Variants in ZDHHC21 observed in about 807,000 individuals in gnomAD.
ZDHHC21 encodes palmitoyltransferase ZDHHC21.
ZDHHC21 carries 15 observed loss-of-function variants against 34.6 expected under a neutral mutation model. The ratio of observed to expected loss-of-function variants is 0.43; its 90% CI spans 0.29 to 0.67. The LOEUF (loss-of-function observed/expected upper bound fraction) is 0.67. ZDHHC21 is among the 30% of genes least tolerant of loss of function. The pLI, the probability that ZDHHC21 is intolerant of heterozygous loss-of-function variation, is 0.14. For missense variants in ZDHHC21, 344 were observed against 327.7 expected, an observed-to-expected ratio of 1.05 and a Z score of -0.38; for synonymous variants, 142 against 101.8, an observed-to-expected ratio of 1.40 and a Z score of -2.38.
chr9:14,657,888 G>C (rs1451027879), intron 7 of ZDHHC21, among the ~76,000 whole-genome samples: 1 of 151,998 alleles, frequency 6.6e-6, no homozygotes, highest in Non-Finnish European at 1.5e-5. Flanking sequence ...TTACTCCAGG[G>C]AATATGTACA....
At position 14,611,360 on chromosome 9, in the gene ZDHHC21, C is replaced by G. The variant is rs1054576586; in HGVS notation, c.*7606G>C. ...TGTCATTTCACCCATTTTACTCACT[C>G]TTCTCAAACTATTCTTACATCTCTC... is the stretch of plus-strand genomic sequence containing the variant. On this transcript the variant is annotated 3_prime_UTR_variant, in exon 10 of 10. Transcript: ENST00000380916. 2.0e-5 allele frequency: 3 copies of G among 151,918 alleles called. No individual in the cohort carries two copies. The highest frequency in any genetic ancestry group is 2.9e-5 in the Non-Finnish European group (2 of 67,870). The allele number at this position is 151,918 out of a possible 1,614,324, so 9.4% of individuals were successfully genotyped here.
intron 8 of ZDHHC21, among the ~76,000 whole-genome samples, chr9:14,631,052 G>C (rs1485962821): frequency 6.6e-6 from 1 of 152,178 alleles, no homozygotes; most frequent in Admixed American, 6.5e-5. Flanking sequence ...AGTCTGTCCT[G>C]TACCTTGAAG....
At chr9:14,597,826 G>T in the ZDHHC21 span, among the ~76,000 whole-genome samples, 1 of 151,966 alleles carries the variant, frequency 6.6e-6, no homozygotes, top group Admixed American at 6.6e-5. Context: ...TACCTTCTGG[G>T]GGTCTAAAGA....
intron 1 of ZDHHC21, among the ~76,000 whole-genome samples, chr9:14,692,571 A>T (rs1178003813): frequency 6.8e-6 from 1 of 146,036 alleles, no homozygotes; most frequent in Non-Finnish European, 1.5e-5. Flanking sequence ...TTAAAATGTG[A>T]CCCACATATA....
chr9:14,636,415 A>C (rs1828311696), intron 8 of ZDHHC21, among the ~76,000 whole-genome samples: 1 of 152,214 alleles, frequency 6.6e-6, no homozygotes, highest in South Asian at 2.1e-4. Context: ...ATATAAACCA[A>C]GTATTAGATT....
chr9:14,656,064 C>T (rs1289160927), intron 7 of ZDHHC21, among the ~76,000 whole-genome samples: 1 of 151,622 alleles, frequency 6.6e-6, no homozygotes, highest in Non-Finnish European at 1.5e-5. Flanking sequence ...TATAATGATA[C>T]AAGAATCAAT....
intron 1 of ZDHHC21, among the ~76,000 whole-genome samples, 184 bp downstream of exon 1, chr9:14,693,045 G>A (rs142824016): frequency 6.6e-6 from 1 of 151,724 alleles, no homozygotes; most frequent in Non-Finnish European, 1.5e-5. Context: ...GGGAGGCACC[G>A]AGAAACCCCC....
intron 7 of ZDHHC21, among the ~76,000 whole-genome samples, chr9:14,648,311 A>G (rs1312119220): frequency 7.9e-6 from 1 of 126,100 alleles, no homozygotes; most frequent in African/African-American, 2.9e-5. Context: ...TTTTCATAGC[A>G]ATCAGGTTTT....
chr9:14,635,793 G>C (rs1828189712), intron 8 of ZDHHC21, among the ~76,000 whole-genome samples: 1 of 152,080 alleles, frequency 6.6e-6, no homozygotes, highest in Admixed American at 6.5e-5. Context: ...CCTGGGAGGT[G>C]GAGGTTGCAG....
In ZDHHC21 at chr9:14,672,719, A is replaced by G. The variant is rs1835699624; in HGVS notation, c.253+111T>C. 1.6e-5 allele frequency: 11 copies of G among 690,130 alleles called. No homozygotes were observed. In the South Asian group the frequency reaches 3.5e-4, roughly 22 times the overall value. The allele number at this position is 690,130 out of a possible 1,614,324, so 42.8% of individuals were successfully genotyped here. A position where few individuals can be genotyped will look rare whatever the true frequency, so the allele number is the denominator to read the frequency against. On this transcript the variant is annotated intron_variant, in intron 5 of 9. Transcript: ENST00000380916. Reference sequence around the variant, plus strand: ...AAAGACACATACAAGCAAAGACATCAAAGTGGTGTTAGATGACATTTATAA... The same window carrying G: ...AAAGACACATACAAGCAAAGACATCGAAGTGGTGTTAGATGACATTTATAA...
intron 5 of ZDHHC21, among the ~76,000 whole-genome samples, chr9:14,671,262 A>G (rs1221817124): frequency 6.6e-6 from 1 of 152,090 alleles, no homozygotes; most frequent in South Asian, 2.1e-4. Flanking sequence ...GAAAGGAAGG[A>G]ATCACCTTCT....
At chr9:14,594,816 C>T in the ZDHHC21 span, among the ~76,000 whole-genome samples, 1 of 152,040 alleles carries the variant, frequency 6.6e-6, no homozygotes, top group Non-Finnish European at 1.5e-5. Flanking sequence ...ATCCAGAACA[C>T]ATAATTCTTA....
At position 14,618,069 on chromosome 9, in the gene ZDHHC21, T is replaced by C. The variant is rs1304010299; in HGVS notation, c.*897A>G. Reference sequence around the variant, plus strand: ...TACTGTACATTATATACTATCTAGTTATACTAGCATTTTAAAAACATATGC... The same window carrying C: ...TACTGTACATTATATACTATCTAGTCATACTAGCATTTTAAAAACATATGC... On this transcript the variant is annotated 3_prime_UTR_variant, in exon 10 of 10. Transcript: ENST00000380916. The C allele has an allele frequency of 3.3e-5, 5 of 152,536 alleles. No homozygotes were observed. The East Asian group carries it at 9.6e-4, about 29-fold the overall frequency. 9.4% of individuals were successfully genotyped at this position (152,536 alleles called of 1,614,324 possible).
At chr9:14,593,282 G>C in the ZDHHC21 span, among the ~76,000 whole-genome samples, 1 of 151,998 alleles carries the variant, frequency 6.6e-6, no homozygotes, top group Non-Finnish European at 1.5e-5. Flanking sequence ...AAGAAGATAG[G>C]TTTCCAAAAT....
chr9:14,619,449 A>C (rs1320107389), intron 9 of ZDHHC21, among the ~76,000 whole-genome samples, 190 bp downstream of exon 9: 4 of 152,106 alleles, frequency 2.6e-5, no homozygotes, highest in African/African-American at 4.8e-5. Flanking sequence ...TCAGCATTTT[A>C]GTGTGAAAAC....
intron 5 of ZDHHC21, among the ~76,000 whole-genome samples, chr9:14,665,509 T>C (rs941508958): frequency 7.2e-5 from 11 of 151,784 alleles, no homozygotes; most frequent in African/African-American, 2.7e-4. Flanking sequence ...GCCACAAAGA[T>C]ACTCCCCAAG....
At chr9:14,688,900 C>T (rs1405879505) in intron 2 of ZDHHC21, among the ~76,000 whole-genome samples, 3 of 151,954 alleles carry the variant, frequency 2.0e-5, no homozygotes, top group South Asian at 4.2e-4. Flanking sequence ...GAAAACCAGC[C>T]GGGTGTGGTG....
rs1314533001 is a variant in ZDHHC21, at chr9:14,614,806, C to G, written c.*4160G>C. ...AGCAGTAGTAGAGTTGTGTGAAAAT[C>G]TAATATTTGTATCTATTAGCAAACT... is the stretch of plus-strand genomic sequence containing the variant. On this transcript the variant is annotated 3_prime_UTR_variant, in exon 10 of 10. Transcript: ENST00000380916. The G allele has an allele frequency of 6.6e-6, 1 of 151,620 alleles. No individual in the cohort carries two copies. The highest frequency in any genetic ancestry group is 1.5e-5 in the Non-Finnish European group (1 of 67,672). 9.4% of individuals were successfully genotyped at this position (151,620 alleles called of 1,614,324 possible). A position where few individuals can be genotyped will look rare whatever the true frequency, so the allele number is the denominator to read the frequency against.
At chr9:14,660,629 T>C (rs555173245) in intron 6 of ZDHHC21, among the ~76,000 whole-genome samples, 5 of 152,268 alleles carry the variant, frequency 3.3e-5, no homozygotes, top group African/African-American at 1.2e-4. Flanking sequence ...CTACTCTCCT[T>C]TCTGATCCTC....
Sources: gnomAD v4.1 joint callset for allele counts (sites outside exome capture counted in the v4.1 genomes callset) on GRCh38, gnomAD v4.1.1 for gene constraint, MANE v1.5 for transcripts, NCBI Gene and HGNC (gene_info 2026-07-23, HGNC 2026-07-21) for gene names.